Variants in ANKRD6 observed in about 807,000 individuals in gnomAD.
The protein encoded by ANKRD6 is ankyrin repeat domain-containing protein 6.
In ANKRD6, 56 loss-of-function variants were observed where a neutral mutation model predicts 82.3. The ratio of observed to expected loss-of-function variants is 0.68; its 90% confidence interval spans 0.55 to 0.85. The LOEUF is 0.85. Among genes scored for constraint, ANKRD6 ranks in the 40% least tolerant of loss-of-function variants. ANKRD6 has a pLI of 0.00. For missense variants in ANKRD6, 852 were observed against 907.6 expected, an observed-to-expected ratio of 0.94 and a Z score of 0.79; for synonymous variants, 347 against 352.1, an observed-to-expected ratio of 0.99 and a Z score of 0.16.
intron 3 of ANKRD6, among the ~76,000 whole-genome samples, chr6:89,600,883 A>AAAAAAATAT (rs1796992596): frequency 1.3e-5 from 2 of 151,350 alleles, no homozygotes; most frequent in South Asian, 4.2e-4. Context: ...TAAAAATATA[A>AAAAAAATAT]AAAAAAAATT....
intron 6 of ANKRD6, among the ~76,000 whole-genome samples, chr6:89,612,628 T>TA (rs1168711910): frequency 1.3e-5 from 2 of 152,236 alleles, no homozygotes; most frequent in Non-Finnish European, 2.9e-5. Flanking sequence ...TATCATTTCT[T>TA]ACAGTACGTG....
intron 1 of ANKRD6, among the ~76,000 whole-genome samples, chr6:89,520,765 C>T (rs896661483): frequency 2.6e-5 from 4 of 152,194 alleles, no homozygotes; most frequent in African/African-American, 7.2e-5. Flanking sequence ...TGTCCTAGCA[C>T]AGAACAGTAG....
At chr6:89,438,037 G>T (rs1770868799) in intron 1 of ANKRD6, among the ~76,000 whole-genome samples, 1 of 152,172 alleles carries the variant, frequency 6.6e-6, no homozygotes, top group African/African-American at 2.4e-5. Flanking sequence ...GATGAATGGG[G>T]TAGGTAAGTG....
chr6:89,630,842 T>C lies in ANKRD6; in HGVS notation c.2022T>C (p.Ala674=), dbSNP rs1343319460. 2 of 1,613,796 alleles carry C rather than the reference T, an allele frequency of 1.2e-6. No homozygotes were observed. Among genetic ancestry groups the C allele is most frequent in the Admixed American group, 3.3e-5 (2 of 60,004 alleles). ...ALELTQYFFE[A]VSTQMEKWYE... ...AGCTTACCCAGTATTTTTTTGAGGCTGTTTCTACCCAGATGGAAAAGTGGT... is the reference window on the plus strand; with the variant it reads ...AGCTTACCCAGTATTTTTTTGAGGCCGTTTCTACCCAGATGGAAAAGTGGT... Residue 674 remains alanine (A), a synonymous_variant, in exon 16 of 16, where the codon GCT becomes GCC. Transcript: ENST00000339746.
In ANKRD6 at chr6:89,633,285, A is replaced by G. The variant is rs1221059494; in HGVS notation, c.*2281A>G. 6 of 152,258 alleles carry G rather than the reference A, an allele frequency of 3.9e-5. No homozygotes were observed. Among genetic ancestry groups the G allele is most frequent in the South Asian group, 2.1e-4 (1 of 4,836 alleles). The allele number at this position is 152,258 out of a possible 1,614,324, so 9.4% of individuals were successfully genotyped here. Reference sequence around the variant, plus strand: ...CACCCAGAGATGGCAACATCTATTAAGACCAATGCAATACCTTTTCATCTT... The same window carrying G: ...CACCCAGAGATGGCAACATCTATTAGGACCAATGCAATACCTTTTCATCTT... On this transcript the variant is annotated 3_prime_UTR_variant, in exon 16 of 16. Transcript: ENST00000339746.
intron 1 of ANKRD6, among the ~76,000 whole-genome samples, chr6:89,536,890 C>A (rs1282183163): frequency 1.3e-5 from 2 of 152,132 alleles, no homozygotes; most frequent in African/African-American, 4.8e-5. Context: ...TTATTTGTAA[C>A]AGAAATAAGC....
intron 2 of ANKRD6, among the ~76,000 whole-genome samples, chr6:89,590,358 G>T (rs1356724996): frequency 1.3e-5 from 2 of 152,206 alleles, no homozygotes; most frequent in Admixed American, 6.5e-5. Context: ...TCTCAACAAG[G>T]TCACACATTA....
At chr6:89,546,018 A>G (rs908098605) in intron 1 of ANKRD6, among the ~76,000 whole-genome samples, 5 of 152,136 alleles carry the variant, frequency 3.3e-5, no homozygotes, top group Admixed American at 1.3e-4. Flanking sequence ...CGTGTTATCC[A>G]GGATGGTCTT....
intron 13 of ANKRD6, among the ~76,000 whole-genome samples, chr6:89,627,064 G>T (rs1204809850): frequency 6.6e-6 from 1 of 151,942 alleles, no homozygotes; most frequent in Non-Finnish European, 1.5e-5. Context: ...TACAAGGCCT[G>T]CATGGGCTCA....
intron 1 of ANKRD6, among the ~76,000 whole-genome samples, chr6:89,526,958 A>T (rs1436399664): frequency 6.6e-6 from 1 of 152,230 alleles, no homozygotes; most frequent in Non-Finnish European, 1.5e-5. Context: ...GCTCACCTAC[A>T]TTGGGGAGGG....
At chr6:89,572,494 CTGAT>C (rs547403114) in intron 2 of ANKRD6, among the ~76,000 whole-genome samples, 3 of 152,320 alleles carry the variant, frequency 2.0e-5, no homozygotes, top group African/African-American at 7.2e-5. Context: ...TTTTACTCTG[CTGAT>C]TGTGTTCTTT....
intron 1 of ANKRD6, among the ~76,000 whole-genome samples, chr6:89,532,259 CATT>C (rs1181709758): frequency 6.6e-6 from 1 of 152,226 alleles, no homozygotes; most frequent in African/African-American, 2.4e-5. Context: ...ACCAAATTGA[CATT>C]ATTAACCATC....
At chr6:89,629,357 T>C (rs1238230583) in intron 15 of ANKRD6, 119 bp downstream of exon 15, 1 of 1,432,528 alleles carries the variant, frequency 7.0e-7, no homozygotes, top group Non-Finnish European at 9.6e-7. Flanking sequence ...GATGGTAAAG[T>C]GCACTCTGTA....
intron 1 of ANKRD6, among the ~76,000 whole-genome samples, chr6:89,519,604 A>C (rs1424503708): frequency 6.6e-6 from 1 of 152,228 alleles, no homozygotes; most frequent in Non-Finnish European, 1.5e-5. Flanking sequence ...TGTGGAAATA[A>C]GTAGGCAGTT....
At chr6:89,525,793 T>C (rs1782423622) in intron 1 of ANKRD6, among the ~76,000 whole-genome samples, 1 of 152,228 alleles carries the variant, frequency 6.6e-6, no homozygotes. Flanking sequence ...AAAGTGGAAT[T>C]TGGCTCTCTG....
chr6:89,560,406 T>C (rs1787222141), intron 1 of ANKRD6, among the ~76,000 whole-genome samples: 1 of 152,194 alleles, frequency 6.6e-6, no homozygotes, highest in East Asian at 1.9e-4. Flanking sequence ...AGATCAGGGC[T>C]CCACCTTTAT....
chr6:89,486,571 G>T (rs183688874), intron 1 of ANKRD6, among the ~76,000 whole-genome samples: 255 of 152,222 alleles, frequency 1.7e-3, no homozygotes, highest in African/African-American at 5.9e-3. Context: ...AGTTCTGAGA[G>T]CTGGGACATT....
At chr6:89,545,288 A>G (rs1195411307) in intron 1 of ANKRD6, among the ~76,000 whole-genome samples, 3 of 151,942 alleles carry the variant, frequency 2.0e-5, no homozygotes, top group Non-Finnish European at 2.9e-5. Context: ...TTGGGAGTTC[A>G]AGATTCTGGG....
At chr6:89,442,812 T>C (rs1771590234) in intron 1 of ANKRD6, among the ~76,000 whole-genome samples, 1 of 152,156 alleles carries the variant, frequency 6.6e-6, no homozygotes, top group South Asian at 2.1e-4. Flanking sequence ...GTTCTTATTA[T>C]GTAGGTGAAG....
Sources: allele counts gnomAD v4.1 joint callset (sites outside exome capture counted in the v4.1 genomes callset), GRCh38; gene constraint gnomAD v4.1.1; transcripts MANE v1.5; gene names NCBI Gene and HGNC (gene_info 2026-07-23, HGNC 2026-07-21).